GAN: variants seen among roughly 807,000 people sequenced by gnomAD.
GAN encodes gigaxonin.
In GAN, 48 loss-of-function variants were observed where a neutral mutation model predicts 71.3. The observed-to-expected ratio is 0.67, with a 90% CI of 0.53 to 0.86. The LOEUF is 0.86. GAN is among the 40% of genes least tolerant of loss of function. The probability of loss-of-function intolerance (pLI) is 0.00; values close to 1 mark genes in which losing one functional copy is unlikely to be tolerated. For synonymous variants in GAN, 386 were observed against 276.8 expected (o/e 1.39, Z -3.92); for missense variants, 928 against 770.1 (o/e 1.21, Z -2.43).
At chr16:81,369,916 A>T (rs1235806687) in intron 9 of GAN, among the ~76,000 whole-genome samples, 1 of 152,252 alleles carries the variant, frequency 6.6e-6, no homozygotes, top group African/African-American at 2.4e-5. Flanking sequence ...TCATAAACTT[A>T]ATCAGGTGAT....
At chr16:81,352,945 T>A (rs1567490728) in intron 2 of GAN, among the ~76,000 whole-genome samples, 1 of 152,210 alleles carries the variant, frequency 6.6e-6, no homozygotes, top group Non-Finnish European at 1.5e-5. Flanking sequence ...ATTTGAAAGT[T>A]GAAACATTAT....
intron 1 of GAN, among the ~76,000 whole-genome samples, chr16:81,350,734 G>T (rs1910272612): frequency 6.6e-6 from 1 of 152,134 alleles, no homozygotes; most frequent in African/African-American, 2.4e-5. Flanking sequence ...GGCCAGGCTG[G>T]CCTCGAACTC....
At chr16:81,376,449 A>T (rs1904279889) in intron 9 of GAN, among the ~76,000 whole-genome samples, 1 of 142,802 alleles carries the variant, frequency 7.0e-6, no homozygotes, top group African/African-American at 2.6e-5. Context: ...GCAATATCCC[A>T]TCTTTATACA....
chr16:81,327,251 G>C (rs971298397), intron 1 of GAN, among the ~76,000 whole-genome samples: 1 of 152,214 alleles, frequency 6.6e-6, no homozygotes, highest in Non-Finnish European at 1.5e-5. Flanking sequence ...CATTTTGGAA[G>C]GCATTTTCAG....
At chr16:81,372,539 G>C (rs1257057977) in intron 9 of GAN, among the ~76,000 whole-genome samples, 7 of 152,166 alleles carry the variant, frequency 4.6e-5, no homozygotes, top group Non-Finnish European at 2.9e-5. Flanking sequence ...TTTCAAATTA[G>C]TTCTGTTTCA....
rs1904295028 is a variant in GAN at position 81,379,521 on chromosome 16, A to G, written c.*1925A>G. 1 of 152,238 alleles carries G rather than the reference A, an allele frequency of 6.6e-6. No individual in the cohort carries two copies. The highest frequency in any genetic ancestry group is 1.5e-5 in the Non-Finnish European group (1 of 68,042). The allele number at this position is 152,238 out of a possible 1,614,324, so 9.4% of individuals were successfully genotyped here. Reference sequence around the variant, plus strand: ...TGTGTACCAGTCAGCTGTTGTCTGCACATTTTCGTAGTGACAGTGTGGAGA... The same window carrying G: ...TGTGTACCAGTCAGCTGTTGTCTGCGCATTTTCGTAGTGACAGTGTGGAGA... On this transcript the variant is annotated 3_prime_UTR_variant, in exon 11 of 11. Transcript: ENST00000648994.
At position 81,316,946 on chromosome 16, in the gene GAN, C is replaced by A. The variant is rs1909064017; in HGVS notation, c.167+1666C>A. Among the ~76,000 whole-genome samples, 3 of 152,266 alleles carry A rather than the reference C, an allele frequency of 2.0e-5. 1 individual carries two copies. In the South Asian group the frequency reaches 6.2e-4, roughly 32 times the overall value. The stretch of plus-strand genomic sequence containing the variant: ...TGATCTCGGCCCACTGCAACCTCCG[C>A]CTTCCAGTTTCAAGCGATTCTCCTG... On this transcript the variant is annotated intron_variant, in intron 1 of 10. Coordinates refer to ENST00000648994, the MANE Select transcript of GAN (RefSeq NM_022041.4).
chr16:81,337,156 C>A (rs2150675718), intron 1 of GAN, among the ~76,000 whole-genome samples: 1 of 152,270 alleles, frequency 6.6e-6, no homozygotes, highest in South Asian at 2.1e-4. Flanking sequence ...ATCTGTGAAA[C>A]AAATTCCCTA....
At chr16:81,359,784 A>T (rs571841024) in intron 5 of GAN, among the ~76,000 whole-genome samples, 2 of 152,208 alleles carry the variant, frequency 1.3e-5, no homozygotes, top group African/African-American at 2.4e-5. Flanking sequence ...CATACCCATG[A>T]TAAAGTTTAA....
chr16:81,371,616 A>T (rs1177660663), intron 9 of GAN, among the ~76,000 whole-genome samples: 1 of 152,018 alleles, frequency 6.6e-6, no homozygotes, highest in Non-Finnish European at 1.5e-5. Context: ...GATGCGCACA[A>T]ATTGAGGGGT....
At chr16:81,359,107 T>C (rs779665896) in intron 5 of GAN, among the ~76,000 whole-genome samples, 3 of 152,190 alleles carry the variant, frequency 2.0e-5, no homozygotes, top group South Asian at 2.1e-4. Flanking sequence ...TTATTAGTTA[T>C]TGTCAGTAGT....
At position 81,341,551 on chromosome 16, in the gene GAN, G is replaced by C. The variant is rs553721431; in HGVS notation, c.168-10032G>C. Among the ~76,000 whole-genome samples, 6 of 152,268 alleles carry C rather than the reference G, an allele frequency of 3.9e-5. No homozygotes were observed. The East Asian group carries it at 1.2e-3, about 29-fold the overall frequency. On this transcript the variant is annotated intron_variant, in intron 1 of 10. Transcript: ENST00000648994. ...CAAACTAAGCTTCATAAGTGAAGGA[G>C]AAATAAAATCCTTTACAGACAAGCA...
chr16:81,346,094 T>G (rs1910109921), intron 1 of GAN, among the ~76,000 whole-genome samples: 1 of 152,234 alleles, frequency 6.6e-6, no homozygotes, highest in Non-Finnish European at 1.5e-5. Flanking sequence ...TGGAGATACC[T>G]CCTCTAAATT....
intron 1 of GAN, among the ~76,000 whole-genome samples, chr16:81,334,261 G>A (rs573209187): frequency 2.6e-5 from 4 of 152,194 alleles, no homozygotes; most frequent in Non-Finnish European, 5.9e-5. Context: ...CATAGTTGGG[G>A]GAAGGGAGGC....
In GAN at chr16:81,378,484, C is replaced by G. The variant is rs1904289801; in HGVS notation, c.*888C>G. The stretch of plus-strand genomic sequence containing the variant: ...CCTGAGTCAGACAAATAATAAAGGT[C>G]TGCTGTGGCTAAAAAAGCAAAAACA... On this transcript the variant is annotated 3_prime_UTR_variant, in exon 11 of 11. Transcript: ENST00000648994. 1 of 152,166 alleles carries G rather than the reference C, an allele frequency of 6.6e-6. No homozygotes were observed. Among genetic ancestry groups the G allele is most frequent in the Non-Finnish European group, 1.5e-5 (1 of 68,032 alleles). 9.4% of individuals were successfully genotyped at this position (152,166 alleles called of 1,614,324 possible). A position where few individuals can be genotyped will look rare whatever the true frequency, so the allele number is the denominator to read the frequency against.
rs1216233782 is a variant in GAN, at chr16:81,377,685, A to T, written c.*89A>T. On this transcript the variant is annotated 3_prime_UTR_variant, in exon 11 of 11. Transcript: ENST00000648994. ...AGAGCAGAGATGGCAGCTGAAACTC[A>T]CTCTGTGCTGGGCTTTGGTATGGTA... 5.2e-6 allele frequency: 6 copies of T among 1,151,726 alleles called. No individual in the cohort carries two copies. In the African/African-American group the frequency reaches 6.1e-5, roughly 12 times the overall value. 71.3% of individuals were successfully genotyped at this position (1,151,726 alleles called of 1,614,324 possible).
At chr16:81,324,173 A>G (rs1909305154) in intron 1 of GAN, among the ~76,000 whole-genome samples, 1 of 152,152 alleles carries the variant, frequency 6.6e-6, no homozygotes, top group African/African-American at 2.4e-5. Context: ...ATTTACAGAA[A>G]TGACTTTCTT....
At chr16:81,351,514 T>C in intron 1 of GAN, 69 bp from the exon 2 acceptor site, 1 of 768,488 alleles carries the variant, frequency 1.3e-6, no homozygotes, top group Non-Finnish European at 2.4e-6. Context: ...TATAGAGTTT[T>C]GAGTACATAA....
chr16:81,333,455 G>C (rs1383658679), intron 1 of GAN, among the ~76,000 whole-genome samples: 1 of 152,098 alleles, frequency 6.6e-6, no homozygotes, highest in African/African-American at 2.4e-5. Flanking sequence ...TAAGCAGGTG[G>C]GTAGAAAATA....
Sources: allele counts gnomAD v4.1 joint callset (sites outside exome capture counted in the v4.1 genomes callset), GRCh38; gene constraint gnomAD v4.1.1; transcripts MANE v1.5; gene names NCBI Gene and HGNC (gene_info 2026-07-23, HGNC 2026-07-21).